PCDHGA4: variants seen among roughly 807,000 people sequenced by gnomAD.
The protein encoded by PCDHGA4 is protocadherin gamma subfamily A, 4, also known as protocadherin gamma-A4.
In PCDHGA4, 38 loss-of-function variants were observed where a neutral mutation model predicts 54.6. That is an observed-to-expected ratio of 0.70 (90% confidence interval 0.54 to 0.91). The LOEUF (loss-of-function observed/expected upper bound fraction) is 0.91, where lower values mean the gene tolerates loss of function less well. PCDHGA4 is among the 40% of genes least tolerant of loss of function. PCDHGA4 has a pLI of 0.00. For missense variants in PCDHGA4, 1,298 were observed against 1,220.9 expected (o/e 1.06, Z -0.94); for synonymous variants, 511 against 512.9 (o/e 1.00, Z 0.05).
intron 1 of PCDHGA4, chr5:141,419,592 T>C (rs1561782617): frequency 6.2e-7 from 1 of 1,611,670 alleles, no homozygotes. Context: ...TTCGACACAG[T>C]GCCGCGGGCC....
chr5:141,434,877 C>A (rs1266355299), intron 1 of PCDHGA4, among the ~76,000 whole-genome samples: 1 of 151,612 alleles, frequency 6.6e-6, no homozygotes, highest in Non-Finnish European at 1.5e-5. Flanking sequence ...TGACAGATAC[C>A]AACAACAATC....
intron 2 of PCDHGA4, among the ~76,000 whole-genome samples, chr5:141,499,083 C>G (rs2099789346): frequency 6.6e-6 from 1 of 152,082 alleles, no homozygotes; most frequent in African/African-American, 2.4e-5. Flanking sequence ...GAAGTTCCTG[C>G]TTGGCACATG....
At chr5:141,388,034 C>T in intron 1 of PCDHGA4, 2 of 1,423,576 alleles carry the variant, frequency 1.4e-6, no homozygotes, top group Non-Finnish European at 1.9e-6. Flanking sequence ...TGGGGAACCT[C>T]GCCACGGACC....
At chr5:141,433,926 A>T (rs2154556019) in intron 1 of PCDHGA4, among the ~76,000 whole-genome samples, 1 of 151,830 alleles carries the variant, frequency 6.6e-6, no homozygotes, top group African/African-American at 2.4e-5. Context: ...CCAAATGAAG[A>T]TTTTATAATT....
Position 141,486,683 on chromosome 5 carries a change from G to T in PCDHGA4, c.2515-8124G>T. The T allele has an allele frequency of 6.2e-7, 1 of 1,614,092 alleles. No homozygotes were observed. Among genetic ancestry groups the T allele is most frequent in the Non-Finnish European group, 8.5e-7 (1 of 1,180,026 alleles). ...GGAGCCCAGGAATCGAGATGTATCA[G>T]CTTCCTCTTTCATCTCTCTGAACCC... On this transcript the variant is annotated intron_variant, in intron 1 of 3. Transcript: ENST00000571252. This position sits in a 1 kb window ranked among gnomAD's most constrained non-coding sequence, Gnocchi z 5.0.
intron 1 of PCDHGA4, chr5:141,475,902 C>A (rs1296545944): frequency 1.7e-6 from 1 of 576,594 alleles, no homozygotes; most frequent in Non-Finnish European, 3.0e-6. Context: ...GTGCCGCTGT[C>A]GGCCAATGAA....
intron 1 of PCDHGA4, chr5:141,418,621 C>T: frequency 6.2e-7 from 1 of 1,614,034 alleles, no homozygotes; most frequent in Non-Finnish European, 8.5e-7. Flanking sequence ...TTCGGGAAGA[C>T]GTGCCTCCAG....
intron 1 of PCDHGA4, among the ~76,000 whole-genome samples, chr5:141,380,158 T>C (rs939673033): frequency 6.6e-6 from 1 of 151,976 alleles, no homozygotes; most frequent in Non-Finnish European, 1.5e-5. Flanking sequence ...CCTCAGCCTC[T>C]CAAAGGGCTG....
intron 1 of PCDHGA4, chr5:141,423,156 C>T (rs62378456): frequency 0.034 from 55,171 of 1,613,388 alleles, 1,070 homozygotes; most frequent in Middle Eastern, 0.098. Context: ...AGCAGAGCCT[C>T]GTGGTGGCCG....
At chr5:141,364,651 C>T in intron 1 of PCDHGA4, 3 of 1,614,064 alleles carry the variant, frequency 1.9e-6, no homozygotes, top group Non-Finnish European at 2.5e-6. Flanking sequence ...TGAACTTTAA[C>T]ATCTTGGTTG....
At chr5:141,414,132 T>A in intron 1 of PCDHGA4, 1 of 1,594,828 alleles carries the variant, frequency 6.3e-7, no homozygotes, top group South Asian at 1.1e-5. Flanking sequence ...CCGGTTTCTA[T>A]GAAATAGAAA....
chr5:141,403,611 C>T lies in PCDHGA4; in HGVS notation c.2514+45990C>T. ...CTCACGGCCTCGGATGGCGGCGAGCCGCGTCGCTCCAGCACAGTGCGCATC... is the reference window on the plus strand; with the variant it reads ...CTCACGGCCTCGGATGGCGGCGAGCTGCGTCGCTCCAGCACAGTGCGCATC... On this transcript the variant is annotated intron_variant, in intron 1 of 3. Transcript: ENST00000571252. 6.2e-7 allele frequency: 1 copy of T among 1,613,860 alleles called. No homozygotes were observed.
At chr5:141,388,295 C>T (rs766909730) in intron 1 of PCDHGA4, 3 of 1,613,442 alleles carry the variant, frequency 1.9e-6, no homozygotes, top group East Asian at 2.2e-5. Flanking sequence ...CGCAAAATTC[C>T]TTTGAGCTGC....
At chr5:141,473,738 C>T (rs755682627) in intron 1 of PCDHGA4, among the ~76,000 whole-genome samples, 2 of 152,310 alleles carry the variant, frequency 1.3e-5, no homozygotes, top group Non-Finnish European at 2.9e-5. Flanking sequence ...AGGGAGAAGA[C>T]ATGAGAACTT....
At position 141,511,235 on chromosome 5, in the gene PCDHGA4, C is replaced by G; in HGVS notation, c.*62C>G. On this transcript the variant is annotated 3_prime_UTR_variant, in exon 4 of 4. Transcript: ENST00000571252. ...CCCCAACCAGCCCAGCTTCTCCTTA[C>G]CTGCACCCAGGCCTCAGAGTTTCAG... 2 of 1,592,936 alleles carry G rather than the reference C, an allele frequency of 1.3e-6. No homozygotes were observed. The highest frequency in any genetic ancestry group is 1.7e-6 in the Non-Finnish European group (2 of 1,169,652).
chr5:141,360,214 G>C (rs1164103342), intron 1 of PCDHGA4: 4 of 1,613,376 alleles, frequency 2.5e-6, no homozygotes, highest in Non-Finnish European at 3.4e-6. Context: ...TTTGTTCCCC[G>C]GGGCTCTCCC....
Position 141,357,594 on chromosome 5 carries a change from T to C in PCDHGA4, c.2487T>C (p.Leu829=), listed in dbSNP as rs1473950050. The change falls in exon 1 of 4, where the codon CTT becomes CTC. Residue 829 remains leucine (L), a synonymous_variant. Coordinates refer to ENST00000571252, the MANE Select transcript of PCDHGA4 (RefSeq NM_018917.4). The part of the protein sequence containing the change: ...SEPLLITQDL[L]ETKGDPNLQQ... ...CTCTTCTGATAACTCAGGATTTACT[T>C]GAAACAAAAGGAGACCCTAATCTTC... The C allele has an allele frequency of 1.2e-6, 2 of 1,614,104 alleles. No individual in the cohort carries two copies. The highest frequency in any genetic ancestry group is 1.7e-5 in the Admixed American group (1 of 60,020).
rs1257933448 is a variant in PCDHGA4, at chr5:141,490,285, G to C, written c.2515-4522G>C. 3 of 1,614,106 alleles carry C rather than the reference G, an allele frequency of 1.9e-6. No homozygotes were observed. In the African/African-American group the frequency reaches 4.0e-5, roughly 22 times the overall value. On this transcript the variant is annotated intron_variant, in intron 1 of 3. Coordinates refer to ENST00000571252, the MANE Select transcript of PCDHGA4 (RefSeq NM_018917.4). This position sits in a 1 kb window ranked among gnomAD's most constrained non-coding sequence, Gnocchi z 5.4. ...GGGGGATGTCAATGACAATGCCCCAGAGGTGCTATTGGCCTCTTTGGCCAA... is the reference window on the plus strand; with the variant it reads ...GGGGGATGTCAATGACAATGCCCCACAGGTGCTATTGGCCTCTTTGGCCAA...
chr5:141,358,728 A>C (rs1761003204), intron 1 of PCDHGA4, among the ~76,000 whole-genome samples: 1 of 152,196 alleles, frequency 6.6e-6, no homozygotes, highest in African/African-American at 2.4e-5. Flanking sequence ...GGAAAATATA[A>C]GTTTTTGGAG....
Sources: gnomAD v4.1 joint callset for allele counts (sites outside exome capture counted in the v4.1 genomes callset) on GRCh38, gnomAD v4.1.1 for gene constraint, Gnocchi (gnomAD v3.1) non-coding constraint, MANE v1.5 for transcripts, NCBI Gene and HGNC (gene_info 2026-07-23, HGNC 2026-07-21) for gene names.